Variants in MYZAP observed in about 807,000 individuals in gnomAD.
The protein encoded by MYZAP is GRINL1A complex locus upstream.
In MYZAP, 66 loss-of-function variants were observed where a neutral mutation model predicts 69.4. That is an observed-to-expected ratio of 0.95 (90% CI 0.78 to 1.17). The LOEUF is 1.17. Among genes scored for constraint, MYZAP ranks in the 50% most tolerant of loss-of-function variants. MYZAP has a pLI of 0.00. For synonymous variants in MYZAP, 256 were observed against 205.9 expected (o/e 1.24, Z -2.09); for missense variants, 611 against 556.2 (o/e 1.10, Z -0.99).
At position 57,604,359 on chromosome 15, in the gene MYZAP, A is replaced by G. The variant is rs571053346; in HGVS notation, c.162+4A>G. 6.2e-7 allele frequency: 1 copy of G among 1,614,164 alleles called. No homozygotes were observed. The highest frequency in any genetic ancestry group is 1.1e-5 in the South Asian group (1 of 91,076). Reference sequence around the variant, plus strand: ...GAAGATTGAGAGAAAAGAGCAGGTAAGGTATCTCCGAGGCAAAGCCCCAAC... The same window carrying G: ...GAAGATTGAGAGAAAAGAGCAGGTAGGGTATCTCCGAGGCAAAGCCCCAAC... On this transcript the variant is annotated splice_donor_region_variant and intron_variant, in intron 2 of 12. Transcript: ENST00000267853.
At chr15:57,615,782 G>T (rs113583061) in intron 2 of MYZAP, among the ~76,000 whole-genome samples, 1 of 152,204 alleles carries the variant, frequency 6.6e-6, no homozygotes, top group African/African-American at 2.4e-5. Flanking sequence ...TGTAAGGATA[G>T]CATCAGTGCC....
chr15:57,654,879 C>CT (rs74476519), intron 10 of MYZAP, among the ~76,000 whole-genome samples: 89 of 142,686 alleles, frequency 6.2e-4, no homozygotes, highest in East Asian at 2.2e-3. Context: ...ATTGGGGGGA[C>CT]TTTTTTTTTT....
Position 57,621,688 on chromosome 15 carries a change from C to T in MYZAP, c.399C>T (p.Thr133=), listed in dbSNP as rs2035829265. 6.2e-7 allele frequency: 1 copy of T among 1,613,606 alleles called. No homozygotes were observed. Among genetic ancestry groups the T allele is most frequent in the Non-Finnish European group, 8.5e-7 (1 of 1,179,734 alleles). The stretch of plus-strand genomic sequence containing the variant: ...TGAGACAGAAGATTCGACAGCTCAC[C>T]CAGGAACTATCAGTAAGTCATTATC... The part of the protein sequence containing the change: ...DEMRQKIRQL[T]QELSVSHAQQ... The change falls in exon 4 of 13, where the codon ACC becomes ACT. Residue 133 remains threonine, a synonymous_variant. Coordinates refer to ENST00000267853, the MANE Select transcript of MYZAP (RefSeq NM_001018100.5).
intron 11 of MYZAP, among the ~76,000 whole-genome samples, chr15:57,663,660 C>T (rs550744334): frequency 6.6e-6 from 1 of 152,272 alleles, no homozygotes; most frequent in Non-Finnish European, 1.5e-5. Context: ...GCAGTTCTAG[C>T]CTGCCCTCGG....
At chr15:57,594,675 C>G (rs2033940553) in intron 1 of MYZAP, among the ~76,000 whole-genome samples, 1 of 152,100 alleles carries the variant, frequency 6.6e-6, no homozygotes, top group Admixed American at 6.5e-5. Context: ...GATGATTACG[C>G]AACGACAAAA....
chr15:57,606,379 C>A (rs2034747894), intron 2 of MYZAP, among the ~76,000 whole-genome samples: 1 of 152,006 alleles, frequency 6.6e-6, no homozygotes, highest in South Asian at 2.1e-4. Flanking sequence ...GGACATTCTG[C>A]AAAACAATTG....
At chr15:57,657,932 G>A (rs1297520540) in intron 10 of MYZAP, among the ~76,000 whole-genome samples, 1 of 152,114 alleles carries the variant, frequency 6.6e-6, no homozygotes, top group African/African-American at 2.4e-5. Flanking sequence ...CAATAGTTTT[G>A]GGCAAATTTA....
intron 7 of MYZAP, among the ~76,000 whole-genome samples, chr15:57,633,134 C>G (rs539767850): frequency 6.6e-6 from 1 of 152,162 alleles, no homozygotes. Flanking sequence ...GCGGGGACTC[C>G]ATGTCTGGCT....
intron 10 of MYZAP, among the ~76,000 whole-genome samples, chr15:57,641,570 A>C (rs2037160940): frequency 6.6e-6 from 1 of 152,220 alleles, no homozygotes; most frequent in South Asian, 2.1e-4. Context: ...AGAAATCACC[A>C]GCTAAAATTT....
At position 57,592,005 on chromosome 15, in the gene MYZAP, G is replaced by A; in HGVS notation, c.-30G>A. ...TATTCTGCCCGGGAGGAACGCCGGC[G>A]TCCAGCCCGCTACCGACCGCCGCTG... On this transcript the variant is annotated 5_prime_UTR_variant, in exon 1 of 13. Coordinates refer to ENST00000267853, the MANE Select transcript of MYZAP (RefSeq NM_001018100.5). 3.5e-6 allele frequency: 5 copies of A among 1,423,216 alleles called. No individual in the cohort carries two copies. The highest frequency in any genetic ancestry group is 4.6e-6 in the Non-Finnish European group (5 of 1,091,746). 88.2% of individuals were successfully genotyped at this position (1,423,216 alleles called of 1,614,324 possible).
At chr15:57,594,122 G>A (rs2033900931) in intron 1 of MYZAP, among the ~76,000 whole-genome samples, 1 of 152,112 alleles carries the variant, frequency 6.6e-6, no homozygotes, top group Non-Finnish European at 1.5e-5. Flanking sequence ...CTCACTAAAG[G>A]TATGTTTTTT....
intron 1 of MYZAP, chr15:57,599,748 G>A (rs1249913517): frequency 7.9e-7 from 1 of 1,263,772 alleles, no homozygotes; most frequent in African/African-American, 1.5e-5. Context: ...TTTTCCCATG[G>A]GGAGATTGCG....
chr15:57,608,765 C>T (rs375081567), intron 2 of MYZAP, among the ~76,000 whole-genome samples: 5 of 152,200 alleles, frequency 3.3e-5, no homozygotes, highest in Admixed American at 6.5e-5. Flanking sequence ...TGTTTTTACC[C>T]CCTTAGACCT....
intron 2 of MYZAP, among the ~76,000 whole-genome samples, chr15:57,613,519 C>T (rs1324057181): frequency 1.3e-5 from 2 of 152,018 alleles, no homozygotes; most frequent in African/African-American, 4.8e-5. Context: ...TACAGGCACA[C>T]ACCACCACAT....
At chr15:57,619,070 T>G (rs1424777236) in intron 3 of MYZAP, among the ~76,000 whole-genome samples, 1 of 152,228 alleles carries the variant, frequency 6.6e-6, no homozygotes, top group Non-Finnish European at 1.5e-5. Context: ...CATGTTGAGA[T>G]TGTGGGGGTT....
chr15:57,621,852 TG>T (rs2035840473), intron 4 of MYZAP, 152 bp downstream of exon 4: 1 of 681,698 alleles, frequency 1.5e-6, no homozygotes, highest in Non-Finnish European at 2.2e-6. Context: ...TATCACAGAA[TG>T]AAATTTATTA....
At chr15:57,613,464 G>T (rs746851709) in intron 2 of MYZAP, among the ~76,000 whole-genome samples, 1 of 151,918 alleles carries the variant, frequency 6.6e-6, no homozygotes, top group Non-Finnish European at 1.5e-5. Context: ...TCAACCTCCT[G>T]GGCTCAAGCA....
At chr15:57,604,221 G>GC (rs1480908873) in intron 1 of MYZAP, 48 bp from the exon 2 acceptor site, 3 of 1,601,574 alleles carry the variant, frequency 1.9e-6, no homozygotes, top group Non-Finnish European at 2.6e-6. Context: ...GGCTCTTTCT[G>GC]CCCCAAATGC....
At chr15:57,594,595 G>T (rs958806801) in intron 1 of MYZAP, among the ~76,000 whole-genome samples, 11 of 152,194 alleles carry the variant, frequency 7.2e-5, no homozygotes, top group Non-Finnish European at 1.3e-4. Flanking sequence ...TGGTTGGAAT[G>T]GTAGGCTATC....
Sources: gnomAD v4.1 joint callset for allele counts (sites outside exome capture counted in the v4.1 genomes callset) on GRCh38, gnomAD v4.1.1 for gene constraint, MANE v1.5 for transcripts, NCBI Gene and HGNC (gene_info 2026-07-23, HGNC 2026-07-21) for gene names.